Variants in PTAR1 observed in about 807,000 individuals in gnomAD.
PTAR1 encodes protein prenyltransferase alpha subunit repeat containing 1.
In PTAR1, 17 loss-of-function variants were observed where a neutral mutation model predicts 45.5. The observed-to-expected ratio is 0.37, with a 90% CI of 0.26 to 0.56. The LOEUF is 0.56. Ranked by LOEUF, PTAR1 falls within the 20% of genes least tolerant of loss-of-function variation. The pLI, the probability that PTAR1 is intolerant of heterozygous loss-of-function variation, is 0.77. For missense variants in PTAR1, 391 were observed against 476.3 expected, an observed-to-expected ratio of 0.82 and a Z score of 1.67; for synonymous variants, 169 against 171.3, an observed-to-expected ratio of 0.99 and a Z score of 0.11.
chr9:69,756,399 A>C (rs1397341342), intron 1 of PTAR1, among the ~76,000 whole-genome samples: 1 of 152,176 alleles, frequency 6.6e-6, no homozygotes. Flanking sequence ...TTGACTGATT[A>C]AAGTTCCATT....
chr9:69,723,206 C>T (rs1017516771), intron 6 of PTAR1, 120 bp downstream of exon 6: 4 of 790,188 alleles, frequency 5.1e-6, no homozygotes, highest in South Asian at 5.0e-5. Context: ...TCAGGCAAAG[C>T]TCCACAATCA....
At chr9:69,719,038 T>A (rs1207650029) in intron 6 of PTAR1, among the ~76,000 whole-genome samples, 1 of 152,158 alleles carries the variant, frequency 6.6e-6, no homozygotes, top group Non-Finnish European at 1.5e-5. Flanking sequence ...GTTATAAATA[T>A]AAAACAAAAC....
At chr9:69,751,493 A>T (rs1447932797) in intron 1 of PTAR1, among the ~76,000 whole-genome samples, 1 of 152,134 alleles carries the variant, frequency 6.6e-6, no homozygotes, top group Non-Finnish European at 1.5e-5. Flanking sequence ...CCTTTTGTAT[A>T]ATTTCTTTAG....
At chr9:69,729,223 G>C (rs1379845743) in intron 5 of PTAR1, among the ~76,000 whole-genome samples, 1 of 152,144 alleles carries the variant, frequency 6.6e-6, no homozygotes, top group Admixed American at 6.5e-5. Context: ...GGGAGGCTGA[G>C]GCAGGAGAAT....
At chr9:69,748,252 C>T (rs1826365932) in intron 2 of PTAR1, among the ~76,000 whole-genome samples, 1 of 152,062 alleles carries the variant, frequency 6.6e-6, no homozygotes, top group South Asian at 2.1e-4. Flanking sequence ...CAGGAGGGCA[C>T]TCCTGAAGAG....
chr9:69,718,747 G>GA (rs906529252), intron 6 of PTAR1, 63 bp from the exon 7 acceptor site: 59 of 1,347,484 alleles, frequency 4.4e-5, no homozygotes, highest in Admixed American at 5.5e-5. Context: ...AGCTTTTCCA[G>GA]AAAAAAAAGT....
Position 69,724,781 on chromosome 9 carries a change from T to C in PTAR1, c.643-1151A>G, listed in dbSNP as rs115747276. On this transcript the variant is annotated intron_variant, in intron 5 of 7. Transcript: ENST00000340434. ...CCTATCTGATACTTCAATCCCCCTATACCTACTGACATCAAAGTGGATACA... is the reference window on the plus strand; with the variant it reads ...CCTATCTGATACTTCAATCCCCCTACACCTACTGACATCAAAGTGGATACA... Among the ~76,000 whole-genome samples the C allele has an allele frequency of 4.9e-3, 739 of 152,314 alleles. 8 individuals carry two copies. Among genetic ancestry groups the C allele is most frequent in the African/African-American group, 0.017 (692 of 41,582 alleles).
chr9:69,742,120 C>A (rs1374140983), intron 2 of PTAR1, among the ~76,000 whole-genome samples: 4 of 152,124 alleles, frequency 2.6e-5, no homozygotes, highest in Admixed American at 6.6e-5. Flanking sequence ...ATCTAATTAA[C>A]CTCTTCCTTT....
intron 5 of PTAR1, among the ~76,000 whole-genome samples, chr9:69,729,541 T>C (rs1327318808): frequency 4.6e-5 from 7 of 152,234 alleles, no homozygotes; most frequent in Non-Finnish European, 7.3e-5. Flanking sequence ...CTATATTTAA[T>C]AGCCAGTGTT....
rs1460681417 is a variant in PTAR1 at position 69,712,055 on chromosome 9, T to C, written c.*6287A>G. ...TAAGGGAGGATAATTTATCAACTTT[T>C]TCTAATAGAATGCTCCTTGAATCAA... is the stretch of plus-strand genomic sequence containing the variant. On this transcript the variant is annotated 3_prime_UTR_variant, in exon 8 of 8. Coordinates refer to ENST00000340434, the MANE Select transcript of PTAR1 (RefSeq NM_001099666.2). The C allele has an allele frequency of 6.6e-6, 1 of 152,158 alleles. No homozygotes were observed. The highest frequency in any genetic ancestry group is 1.5e-5 in the Non-Finnish European group (1 of 68,004). The allele number at this position is 152,158 out of a possible 1,614,324, so 9.4% of individuals were successfully genotyped here.
In PTAR1 at chr9:69,717,662, T is replaced by G. The variant is rs1484945405; in HGVS notation, c.*680A>C. On this transcript the variant is annotated 3_prime_UTR_variant, in exon 8 of 8. Coordinates refer to ENST00000340434, the MANE Select transcript of PTAR1 (RefSeq NM_001099666.2). ...GATTCTCAAAACAATTACATCAAGTTATTCGGCATTCATACCAACATTCTT... is the reference window on the plus strand; with the variant it reads ...GATTCTCAAAACAATTACATCAAGTGATTCGGCATTCATACCAACATTCTT... 1 of 152,222 alleles carries G rather than the reference T, an allele frequency of 6.6e-6. No homozygotes were observed. 9.4% of individuals were successfully genotyped at this position (152,222 alleles called of 1,614,324 possible).
Position 69,723,445 on chromosome 9 carries a change from T to G in PTAR1, c.828A>C (p.Glu276Asp), listed in dbSNP as rs1054169209. 4 of 1,613,776 alleles carry G rather than the reference T, an allele frequency of 2.5e-6. No individual in the cohort carries two copies. In the Admixed American group the frequency reaches 6.7e-5, roughly 27 times the overall value. The stretch of plus-strand genomic sequence containing the variant: ...TTGGTTCTTCTGTTGAAACTGCTGC[T>G]TCTTCATCTTTTGGAGGAACTAGGG... ...EPALVPPKDE[E>D]AAVSTEEPRI... Residue 276 changes from glutamate to aspartate, a missense_variant, in exon 6 of 8, where the codon GAA becomes GAC. Glu to Asp is a conservative substitution (Grantham distance 45, BLOSUM62 2). Coordinates refer to ENST00000340434, the MANE Select transcript of PTAR1 (RefSeq NM_001099666.2).
intron 1 of PTAR1, among the ~76,000 whole-genome samples, chr9:69,753,925 G>A (rs1350526875): frequency 6.6e-6 from 1 of 152,166 alleles, no homozygotes; most frequent in African/African-American, 2.4e-5. Context: ...ATGTGAAAAT[G>A]TGGCAAACTA....
rs997412398 is a variant in PTAR1, at chr9:69,715,904, T to C, written c.*2438A>G. The C allele has an allele frequency of 1.3e-5, 2 of 152,118 alleles. No individual in the cohort carries two copies. The highest frequency in any genetic ancestry group is 2.9e-5 in the Non-Finnish European group (2 of 68,006). 9.4% of individuals were successfully genotyped at this position (152,118 alleles called of 1,614,324 possible). A position where few individuals can be genotyped will look rare whatever the true frequency, so the allele number is the denominator to read the frequency against. ...GTATTTGCATTTTTGCTCTCTACTTTAAACTTTTAGGAAGGAAACAAGACA... is the reference window on the plus strand; with the variant it reads ...GTATTTGCATTTTTGCTCTCTACTTCAAACTTTTAGGAAGGAAACAAGACA... On this transcript the variant is annotated 3_prime_UTR_variant, in exon 8 of 8. Coordinates refer to ENST00000340434, the MANE Select transcript of PTAR1 (RefSeq NM_001099666.2).
chr9:69,756,756 T>C (rs1014663622), intron 1 of PTAR1, among the ~76,000 whole-genome samples: 3 of 152,188 alleles, frequency 2.0e-5, no homozygotes, highest in African/African-American at 7.2e-5. Flanking sequence ...TAGACTCCCA[T>C]AGCACTTGCT....
At chr9:69,743,349 TTAAG>T (rs1457311574) in intron 2 of PTAR1, among the ~76,000 whole-genome samples, 1 of 152,114 alleles carries the variant, frequency 6.6e-6, no homozygotes, top group Non-Finnish European at 1.5e-5. Context: ...TTTTCAGTGT[TTAAG>T]TAAAATATAA....
At chr9:69,732,951 A>G (rs1236330816) in intron 4 of PTAR1, among the ~76,000 whole-genome samples, 1 of 152,202 alleles carries the variant, frequency 6.6e-6, no homozygotes, top group Admixed American at 6.5e-5. Context: ...TTGCATTAAC[A>G]TGTATTTACA....
chr9:69,718,342 T>C lies in PTAR1; in HGVS notation c.1209A>G (p.Ter403TrpextTer3), dbSNP rs1311429500. ...ACCTTGTAGGACTAATTCACCTCTTTCATTGACTCAAAGTAACCAGCCATT... is the reference window on the plus strand; with the variant it reads ...ACCTTGTAGGACTAATTCACCTCTTCCATTGACTCAAAGTAACCAGCCATT... ...YRKWLVTLSQ[*>W] The change falls in exon 8 of 8, where the codon TGA becomes TGG. Residue 403 changes from the stop codon to tryptophan, a stop_lost. Transcript: ENST00000340434. 2 of 1,592,386 alleles carry C rather than the reference T, an allele frequency of 1.3e-6. No individual in the cohort carries two copies. Among genetic ancestry groups the C allele is most frequent in the South Asian group, 1.1e-5 (1 of 88,770 alleles).
At chr9:69,720,578 A>G (rs1824949261) in intron 6 of PTAR1, among the ~76,000 whole-genome samples, 1 of 152,238 alleles carries the variant, frequency 6.6e-6, no homozygotes, top group Non-Finnish European at 1.5e-5. Context: ...CTATACTGAC[A>G]AGAGATTTGC....
Sources: allele counts gnomAD v4.1 joint callset (sites outside exome capture counted in the v4.1 genomes callset), GRCh38; gene constraint gnomAD v4.1.1; transcripts MANE v1.5; gene names NCBI Gene and HGNC (gene_info 2026-07-23, HGNC 2026-07-21).